The following PDE6A variants were observed in gnomAD, a reference collection of about 807,000 sequenced individuals.
The protein encoded by PDE6A is rod cGMP-specific 3',5'-cyclic phosphodiesterase subunit alpha.
Under a neutral mutation model 106.3 loss-of-function variants are expected in PDE6A, and 84 were observed. That is an observed-to-expected ratio of 0.79 (90% CI 0.66 to 0.95). PDE6A has a LOEUF of 0.95. PDE6A is among the 40% of genes least tolerant of loss of function. The pLI is 0.00. For synonymous variants in PDE6A, 394 were observed against 386.6 expected (o/e 1.02, Z -0.23); for missense variants, 1,052 against 1,084.9 (o/e 0.97, Z 0.43).
chr5:149,907,283 C>T (rs766799817), intron 7 of PDE6A, 29 bp downstream of exon 7: 9 of 1,544,112 alleles, frequency 5.8e-6, no homozygotes, highest in Admixed American at 1.7e-5. Context: ...TGATCCAAAA[C>T]TCTCCCCCTT....
chr5:149,921,478 G>C (rs1753719661), intron 5 of PDE6A, among the ~76,000 whole-genome samples, 157 bp downstream of exon 5: 1 of 151,612 alleles, frequency 6.6e-6, no homozygotes, highest in Admixed American at 6.6e-5. Context: ...TTTAGCACCT[G>C]TCTGCTATTG....
At chr5:149,907,471 G>C in intron 6 of PDE6A, 93 bp from the exon 7 acceptor site, 1 of 1,004,392 alleles carries the variant, frequency 1.0e-6, no homozygotes, top group Non-Finnish European at 1.6e-6. Flanking sequence ...CCTGCTCTCA[G>C]GTGGCTCTCA....
chr5:149,923,836 A>G (rs1753802382), intron 4 of PDE6A, among the ~76,000 whole-genome samples: 1 of 152,156 alleles, frequency 6.6e-6, no homozygotes, highest in Non-Finnish European at 1.5e-5. Flanking sequence ...ACAGGGACAA[A>G]CCGTGATCTA....
intron 4 of PDE6A, among the ~76,000 whole-genome samples, chr5:149,922,301 T>C (rs1753747033): frequency 6.6e-6 from 1 of 150,716 alleles, no homozygotes; most frequent in African/African-American, 2.4e-5. Context: ...CAACAAATTA[T>C]TATTATTATT....
intron 6 of PDE6A, among the ~76,000 whole-genome samples, chr5:149,911,209 G>A (rs962947933): frequency 6.6e-6 from 1 of 152,116 alleles, no homozygotes; most frequent in African/African-American, 2.4e-5. Context: ...GCATGATGAT[G>A]AAGTTTCCTC....
At chr5:149,910,874 C>CTTTTTTTTTTTTTTTTTTT (rs386405293) in intron 6 of PDE6A, among the ~76,000 whole-genome samples, 2 of 87,144 alleles carry the variant, frequency 2.3e-5, no homozygotes, top group Non-Finnish European at 4.1e-5. Flanking sequence ...TTTCTTTTTC[C>CTTTTTTTTTTTTTTTTTTT]TTTTTTTTTT....
At chr5:149,938,971 A>G (rs1754257640) in intron 1 of PDE6A, among the ~76,000 whole-genome samples, 1 of 152,134 alleles carries the variant, frequency 6.6e-6, no homozygotes, top group Non-Finnish European at 1.5e-5. Context: ...TTGGTGGTCC[A>G]GAAAGAATCT....
Position 149,863,036 on chromosome 5 carries a change from G to C in PDE6A, c.2506+83C>G. 1 of 1,520,568 alleles carries C rather than the reference G, an allele frequency of 6.6e-7. No individual in the cohort carries two copies. The highest frequency in any genetic ancestry group is 1.1e-5 in the South Asian group (1 of 89,060). 94.2% of individuals were successfully genotyped at this position (1,520,568 alleles called of 1,614,324 possible). The stretch of plus-strand genomic sequence containing the variant: ...TCAGGAGGCCTGAATGAGACTCCGT[G>C]TAAGAGTCTCTGAGGCAGGACGCAG... On this transcript the variant is annotated intron_variant, in intron 21 of 21. Transcript: ENST00000255266. This position sits in a 1 kb window ranked among gnomAD's most constrained non-coding sequence, Gnocchi z 4.7.
chr5:149,864,343 A>C (rs1004412819), intron 20 of PDE6A, among the ~76,000 whole-genome samples: 1 of 151,824 alleles, frequency 6.6e-6, no homozygotes, highest in African/African-American at 2.4e-5. Flanking sequence ...GGTTCAAGTG[A>C]TTCTCCTGCC....
intron 17 of PDE6A, among the ~76,000 whole-genome samples, chr5:149,874,484 G>A (rs866693481): frequency 2.0e-5 from 3 of 149,214 alleles, no homozygotes; most frequent in Admixed American, 6.6e-5. Flanking sequence ...GGGGGAATGC[G>A]TGCCACCACC....
intron 21 of PDE6A, among the ~76,000 whole-genome samples, chr5:149,861,301 G>T (rs80333973): frequency 0.015 from 2,263 of 152,320 alleles, 60 homozygotes; most frequent in African/African-American, 0.052. Flanking sequence ...GCCAATTGTT[G>T]TCATGCAAAA....
chr5:149,909,015 A>G (rs929211549), intron 6 of PDE6A, among the ~76,000 whole-genome samples: 2 of 152,100 alleles, frequency 1.3e-5, no homozygotes, highest in African/African-American at 4.8e-5. Context: ...CAGTTTTACT[A>G]TTAATTTTTT....
chr5:149,868,878 A>T (rs1760431756), intron 17 of PDE6A, among the ~76,000 whole-genome samples: 1 of 152,164 alleles, frequency 6.6e-6, no homozygotes, highest in Admixed American at 6.5e-5. Context: ...CTGATTTAGG[A>T]GTTTTGTTTA....
chr5:149,896,835 C>G (rs761423501), intron 10 of PDE6A, 59 bp from the exon 11 acceptor site: 43 of 1,571,620 alleles, frequency 2.7e-5, no homozygotes, highest in Non-Finnish European at 3.7e-5. Flanking sequence ...CTCCGCGTTT[C>G]CATTCCCATT....
rs897408796 is a variant in PDE6A, at chr5:149,937,293, G to A, written c.475-2575C>T. Among the ~76,000 whole-genome samples the A allele has an allele frequency of 2.0e-5, 3 of 152,232 alleles. 1 individual carries two copies. ...TAGAGAGGGAGAGGGAAAGCAGAGG[G>A]CAAGGAAGTTAAAGAGGCAGGCAGG... On this transcript the variant is annotated intron_variant, in intron 1 of 21. Coordinates refer to ENST00000255266, the MANE Select transcript of PDE6A (RefSeq NM_000440.3).
chr5:149,920,982 G>GAA (rs751945408), intron 5 of PDE6A, among the ~76,000 whole-genome samples: 1 of 134,066 alleles, frequency 7.5e-6, no homozygotes, highest in Admixed American at 7.3e-5. Context: ...AAGAAAGAAA[G>GAA]AAAGAAAGAA....
At chr5:149,865,401 C>A (rs1453081295) in intron 20 of PDE6A, among the ~76,000 whole-genome samples, 1 of 133,844 alleles carries the variant, frequency 7.5e-6, no homozygotes, top group Non-Finnish European at 1.6e-5. Context: ...CAGAATGAGA[C>A]CTGTCTCAAA....
intron 16 of PDE6A, among the ~76,000 whole-genome samples, chr5:149,883,995 T>C (rs1392878513): frequency 1.3e-5 from 2 of 151,936 alleles, no homozygotes; most frequent in African/African-American, 2.4e-5. Context: ...GAGTTTTAGA[T>C]CAGCCTGGGT....
intron 4 of PDE6A, among the ~76,000 whole-genome samples, chr5:149,926,997 AAGAG>A (rs912390105): frequency 6.6e-5 from 10 of 150,894 alleles, no homozygotes; most frequent in African/African-American, 1.9e-4. Context: ...AAAAAAAAAA[AAGAG>A]AGAGAGAGAG....
Sources: allele counts gnomAD v4.1 joint callset (sites outside exome capture counted in the v4.1 genomes callset), GRCh38; gene constraint gnomAD v4.1.1; non-coding constraint Gnocchi (gnomAD v3.1); transcripts MANE v1.5; gene names NCBI Gene and HGNC (gene_info 2026-07-23, HGNC 2026-07-21).